Variants in MAGI2 observed in about 807,000 individuals in gnomAD.
MAGI2 encodes membrane associated guanylate kinase, WW and PDZ domain containing 2.
Under a neutral mutation model 133.3 loss-of-function variants are expected in MAGI2, and 35 were observed. The observed-to-expected ratio is 0.26, with a 90% CI of 0.20 to 0.35. The LOEUF is 0.35. MAGI2 is among the 10% of genes least tolerant of loss of function. MAGI2 has a pLI of 1.00. For missense variants in MAGI2, 1,636 were observed against 1,863.4 expected (o/e 0.88, Z 2.25); for synonymous variants, 729 against 710.6 (o/e 1.03, Z -0.41).
Position 78,343,999 on chromosome 7 carries a change from G to A in MAGI2, c.1226-39C>T, listed in dbSNP as rs750111950. The A allele has an allele frequency of 1.3e-5, 20 of 1,574,768 alleles. No homozygotes were observed. The East Asian group carries it at 4.6e-4, about 36-fold the overall frequency. ...TATAAGTTAAAAAAGAAAAAGGCAT[G>A]TTCAAGTCAAGTTCTCAGACAAGAG... is the stretch of plus-strand genomic sequence containing the variant. On this transcript the variant is annotated intron_variant, in intron 8 of 21. Coordinates refer to ENST00000354212, the MANE Select transcript of MAGI2 (RefSeq NM_012301.4).
rs184261149 is a variant in MAGI2 at position 78,179,825 on chromosome 7, C to T, written c.2312-1723G>A. ...GAGGAAAGATGAAAATTTTGCCTTA[C>T]ATTCTATGAGACACAACCGGCTTTT... On this transcript the variant is annotated intron_variant, in intron 13 of 21. Transcript: ENST00000354212. Among the ~76,000 whole-genome samples, 298 of 152,294 alleles carry T rather than the reference C, an allele frequency of 2.0e-3. 1 individual carries two copies. The highest frequency in any genetic ancestry group is 0.017 in the South Asian group (84 of 4,826).
intron 4 of MAGI2, among the ~76,000 whole-genome samples, chr7:78,510,181 C>G (rs528516002): frequency 1.2e-4 from 18 of 152,288 alleles, no homozygotes; most frequent in African/African-American, 4.1e-4. Context: ...CCGATAACAA[C>G]AGTCTCCATA....
At chr7:78,918,340 C>T (rs571078699) in intron 2 of MAGI2, among the ~76,000 whole-genome samples, 1 of 152,154 alleles carries the variant, frequency 6.6e-6, no homozygotes, top group Admixed American at 6.6e-5. Context: ...ATAACTCCTG[C>T]AATTGCATTC....
chr7:78,487,170 T>A (rs7802564), intron 6 of MAGI2: 6 of 173,200 alleles, frequency 3.5e-5, no homozygotes, highest in East Asian at 1.7e-4. Context: ...TGCAGCAGGA[T>A]GGGGAAAAAA....
Position 78,596,711 on chromosome 7 carries a change from C to T in MAGI2, c.538+30409G>A, listed in dbSNP as rs550908652. Among the ~76,000 whole-genome samples, 6 of 152,270 alleles carry T rather than the reference C, an allele frequency of 3.9e-5. No individual in the cohort carries two copies. The East Asian group carries it at 5.8e-4, about 15-fold the overall frequency. ...AATGCCTTTTGGGAAGTTCTTAGGA[C>T]AGCCTAGTGAGAAAGAATAAACTAG... is the stretch of plus-strand genomic sequence containing the variant. On this transcript the variant is annotated intron_variant, in intron 3 of 21. Transcript: ENST00000354212.
Position 78,601,975 on chromosome 7 carries a change from A to G in MAGI2, c.538+25145T>C, listed in dbSNP as rs541377475. Among the ~76,000 whole-genome samples the G allele has an allele frequency of 3.3e-5, 5 of 152,242 alleles. No homozygotes were observed. In the South Asian group the frequency reaches 6.2e-4, roughly 19 times the overall value. On this transcript the variant is annotated intron_variant, in intron 3 of 21. Transcript: ENST00000354212. Reference sequence around the variant, plus strand: ...TTAGCTGAGTCTATTAGGTTTGAACATGAGGAATCATCAGTAGAATGAGCC... The same window carrying G: ...TTAGCTGAGTCTATTAGGTTTGAACGTGAGGAATCATCAGTAGAATGAGCC...
intron 5 of MAGI2, chr7:78,490,044 A>G: frequency 4.2e-6 from 2 of 481,902 alleles, no homozygotes; most frequent in South Asian, 9.4e-5. Flanking sequence ...CCCTGTCCTC[A>G]AAGCAGCTAT....
intron 2 of MAGI2, among the ~76,000 whole-genome samples, chr7:78,840,640 G>T (rs147932181): frequency 6.6e-6 from 1 of 152,038 alleles, no homozygotes; most frequent in Non-Finnish European, 1.5e-5. Context: ...AAATAAACCA[G>T]GACAGTTTCT....
At chr7:78,690,412 G>A (rs7791589) in intron 2 of MAGI2, among the ~76,000 whole-genome samples, 77,270 of 151,814 alleles carry the variant, frequency 0.51, 19,849 homozygotes, top group Middle Eastern at 0.56. Flanking sequence ...GCTGCTCCCT[G>A]CTTAACTGTC....
intron 7 of MAGI2, among the ~76,000 whole-genome samples, chr7:78,355,585 G>A (rs1000447185): frequency 7.9e-5 from 12 of 152,110 alleles, no homozygotes; most frequent in South Asian, 2.1e-4. Context: ...TACATTAAGC[G>A]GCAGATGCAC....
At chr7:78,100,281 G>C (rs147767953) in intron 20 of MAGI2, among the ~76,000 whole-genome samples, 156 of 152,268 alleles carry the variant, frequency 1.0e-3, no homozygotes, top group Non-Finnish European at 2.0e-3. Flanking sequence ...AAAAGGATTT[G>C]AAGCACAATC....
intron 14 of MAGI2, among the ~76,000 whole-genome samples, chr7:78,168,954 C>T (rs1160659614): frequency 6.6e-6 from 1 of 152,230 alleles, no homozygotes; most frequent in African/African-American, 2.4e-5. Context: ...CTTTTGAATA[C>T]TTCCTCAGAG....
intron 1 of MAGI2, among the ~76,000 whole-genome samples, chr7:79,136,992 CT>C (rs981209083): frequency 6.7e-6 from 1 of 149,122 alleles, no homozygotes; most frequent in Admixed American, 6.7e-5. Context: ...AATACAGATT[CT>C]TTTTTTTTTG....
chr7:78,977,280 C>T (rs1371612088), intron 2 of MAGI2, among the ~76,000 whole-genome samples: 1 of 151,436 alleles, frequency 6.6e-6, no homozygotes, highest in Admixed American at 6.6e-5. Context: ...GAAAAACCCA[C>T]ATAAATGAGG....
At chr7:78,808,413 C>G (rs936618519) in intron 2 of MAGI2, among the ~76,000 whole-genome samples, 2 of 151,970 alleles carry the variant, frequency 1.3e-5, no homozygotes, top group Non-Finnish European at 2.9e-5. Context: ...CCCGCCACCA[C>G]GCCTGGCTAA....
intron 2 of MAGI2, among the ~76,000 whole-genome samples, chr7:78,970,321 C>A (rs1803681625): frequency 6.6e-6 from 1 of 151,952 alleles, no homozygotes; most frequent in African/African-American, 2.4e-5. Context: ...TTCCCAGCCC[C>A]TTTAAGAGAT....
intron 21 of MAGI2, among the ~76,000 whole-genome samples, chr7:78,037,404 G>A (rs1361951136): frequency 2.0e-5 from 3 of 152,152 alleles, no homozygotes; most frequent in Non-Finnish European, 4.4e-5. Context: ...CAAAAGATGA[G>A]ACTATTTGGA....
chr7:78,374,149 A>G (rs904346694), intron 6 of MAGI2, among the ~76,000 whole-genome samples: 3 of 152,154 alleles, frequency 2.0e-5, no homozygotes, highest in African/African-American at 4.8e-5. Flanking sequence ...TAGTAGTTCT[A>G]TTCCAAGTTC....
At chr7:79,175,387 C>G (rs907668432) in intron 1 of MAGI2, among the ~76,000 whole-genome samples, 3 of 151,886 alleles carry the variant, frequency 2.0e-5, no homozygotes, top group African/African-American at 7.3e-5. Flanking sequence ...AAAACAACCT[C>G]TCTGTTGCCC....
Sources: gnomAD v4.1 joint callset for allele counts (sites outside exome capture counted in the v4.1 genomes callset) on GRCh38, gnomAD v4.1.1 for gene constraint, MANE v1.5 for transcripts, NCBI Gene and HGNC (gene_info 2026-07-23, HGNC 2026-07-21) for gene names.